Variants in PITPNM3 observed in about 807,000 individuals in gnomAD.
PITPNM3 encodes the protein membrane-associated phosphatidylinositol transfer protein 3.
In PITPNM3, 26 loss-of-function variants were observed where a neutral mutation model predicts 102.0. The observed-to-expected ratio is 0.25, with a 90% CI of 0.19 to 0.35. The LOEUF (loss-of-function observed/expected upper bound fraction) is 0.35. PITPNM3 is among the 10% of genes least tolerant of loss of function. PITPNM3 has a pLI of 1.00. For missense variants in PITPNM3, 1,083 were observed against 1,346.1 expected (o/e 0.80, Z 3.06); for synonymous variants, 578 against 558.6 (o/e 1.03, Z -0.49).
rs1908231165 is a variant in PITPNM3, at chr17:6,517,057, C to A, written c.226+8299G>T. ...GTGATAATGGAGGCAGATAAGCTCACATTCAAATGAGCAAGCAAAATAAAG... is the reference window on the plus strand; with the variant it reads ...GTGATAATGGAGGCAGATAAGCTCAAATTCAAATGAGCAAGCAAAATAAAG... On this transcript the variant is annotated intron_variant, in intron 3 of 19. Transcript: ENST00000262483. The surrounding 1 kb of genome is among the most constrained non-coding windows in gnomAD (Gnocchi z 4.1). Among the ~76,000 whole-genome samples the A allele has an allele frequency of 6.6e-6, 1 of 152,122 alleles. No individual in the cohort carries two copies. Among genetic ancestry groups the A allele is most frequent in the Non-Finnish European group, 1.5e-5 (1 of 68,030 alleles).
chr17:6,477,529 ACTT>A lies in PITPNM3; in HGVS notation c.901-319_901-317del, dbSNP rs753494920. Among the ~76,000 whole-genome samples, 100 of 151,950 alleles carry A rather than the reference ACTT, an allele frequency of 6.6e-4. 2 individuals carry two copies. The highest frequency in any genetic ancestry group is 3.1e-3 in the South Asian group (15 of 4,812). On this transcript the variant is annotated intron_variant, in intron 8 of 19. Transcript: ENST00000262483. ...TGCTACTCTTGTAGAATTATGATAC[ACTT>A]CTTCTTCTTCTTCTTCTTTTTTTTC...
At position 6,507,230 on chromosome 17, in the gene PITPNM3, T is replaced by A. The variant is rs61466150; in HGVS notation, c.227-3656A>T. On this transcript the variant is annotated intron_variant, in intron 3 of 19. Coordinates refer to ENST00000262483, the MANE Select transcript of PITPNM3 (RefSeq NM_031220.4). The stretch of plus-strand genomic sequence containing the variant: ...CAAGGCGGCAGGAGGCAGGACCATG[T>A]GAGAGCCGCCCACCAAGTACCCCCA... Among the ~76,000 whole-genome samples the A allele has an allele frequency of 0.013, 2,043 of 152,186 alleles. 87 individuals carry two copies. In the East Asian group the frequency reaches 0.18, roughly 13 times the overall value.
chr17:6,458,655 C>T lies in PITPNM3; in HGVS notation c.2491-933G>A, dbSNP rs1904322260. Among the ~76,000 whole-genome samples, 1 of 152,178 alleles carries T rather than the reference C, an allele frequency of 6.6e-6. No homozygotes were observed. Among genetic ancestry groups the T allele is most frequent in the South Asian group, 2.1e-4 (1 of 4,828 alleles). On this transcript the variant is annotated intron_variant, in intron 18 of 19. Coordinates refer to ENST00000262483, the MANE Select transcript of PITPNM3 (RefSeq NM_031220.4). This position sits in a 1 kb window ranked among gnomAD's most constrained non-coding sequence, Gnocchi z 5.1. ...CTCCGCCAGCCCCCACCTGGCTGCT[C>T]TCAGCCTTACTGACACTTGTCTTTT... is the stretch of plus-strand genomic sequence containing the variant.
In PITPNM3 at chr17:6,457,052, G is replaced by A. The variant is rs138052035; in HGVS notation, c.2619+542C>T. Among the ~76,000 whole-genome samples the A allele has an allele frequency of 1.3e-5, 2 of 150,892 alleles. No individual in the cohort carries two copies. Among genetic ancestry groups the A allele is most frequent in the East Asian group, 2.0e-4 (1 of 5,102 alleles). On this transcript the variant is annotated intron_variant, in intron 19 of 19. Transcript: ENST00000262483. The surrounding 1 kb of genome is among the most constrained non-coding windows in gnomAD (Gnocchi z 4.7). Reference sequence around the variant, plus strand: ...AGTCCCCACACAGGCCATCTTGGCCGCACTGACCGTTCTAGCCCCGCCCCC... The same window carrying A: ...AGTCCCCACACAGGCCATCTTGGCCACACTGACCGTTCTAGCCCCGCCCCC...
At chr17:6,540,210 C>T (rs1326859486) in intron 1 of PITPNM3, among the ~76,000 whole-genome samples, 1 of 152,200 alleles carries the variant, frequency 6.6e-6, no homozygotes, top group African/African-American at 2.4e-5. Flanking sequence ...AGGGGCCTCT[C>T]ATTCCACAGA....
rs1046976273 is a variant in PITPNM3, at chr17:6,537,771, C to T, written c.118+216G>A. Among the ~76,000 whole-genome samples the T allele has an allele frequency of 1.3e-5, 2 of 152,204 alleles. No individual in the cohort carries two copies. The highest frequency in any genetic ancestry group is 2.4e-5 in the African/African-American group (1 of 41,444). On this transcript the variant is annotated intron_variant, in intron 2 of 19. Transcript: ENST00000262483. This position sits in a 1 kb window ranked among gnomAD's most constrained non-coding sequence, Gnocchi z 4.4. Reference sequence around the variant, plus strand: ...GATCCCTGGCACCTAGCAGAGTTCCCGGCACATGTGAGGGGTTCAGCAAAT... The same window carrying T: ...GATCCCTGGCACCTAGCAGAGTTCCTGGCACATGTGAGGGGTTCAGCAAAT...
intron 1 of PITPNM3, among the ~76,000 whole-genome samples, chr17:6,554,311 T>G (rs1224932806): frequency 2.1e-5 from 2 of 97,110 alleles, no homozygotes; most frequent in African/African-American, 9.0e-5. Flanking sequence ...AGACCGAGAC[T>G]CCATCTCAAA....
chr17:6,468,442 C>T lies in PITPNM3; in HGVS notation c.1774-101G>A. Reference sequence around the variant, plus strand: ...CAGCTTGTGGCCAGCTGGGCCCTGCCCCTGCAACCCCCCAACCTCACAGCC... The same window carrying T: ...CAGCTTGTGGCCAGCTGGGCCCTGCTCCTGCAACCCCCCAACCTCACAGCC... On this transcript the variant is annotated intron_variant, in intron 13 of 19. Coordinates refer to ENST00000262483, the MANE Select transcript of PITPNM3 (RefSeq NM_031220.4). The surrounding 1 kb of genome is among the most constrained non-coding windows in gnomAD (Gnocchi z 5.2). 1 of 1,144,502 alleles carries T rather than the reference C, an allele frequency of 8.7e-7. No individual in the cohort carries two copies. Among genetic ancestry groups the T allele is most frequent in the East Asian group, 2.3e-5 (1 of 42,586 alleles). The allele number at this position is 1,144,502 out of a possible 1,614,324, so 70.9% of individuals were successfully genotyped here.
At chr17:6,513,984 T>C (rs942250188) in intron 3 of PITPNM3, among the ~76,000 whole-genome samples, 3 of 152,208 alleles carry the variant, frequency 2.0e-5, no homozygotes, top group Admixed American at 6.5e-5. Flanking sequence ...CTATGATCTA[T>C]TGATTTTTGA....
At position 6,477,967 on chromosome 17, in the gene PITPNM3, G is replaced by A. The variant is rs557066064; in HGVS notation, c.900+8C>T. ...TACCCCTCCCGCGGTCCTGTCCCCC[G>A]GCTGTACCTGGGTGCTGCTGATGCT... On this transcript the variant is annotated splice_region_variant and intron_variant, in intron 8 of 19. Coordinates refer to ENST00000262483, the MANE Select transcript of PITPNM3 (RefSeq NM_031220.4). 11 of 1,612,044 alleles carry A rather than the reference G, an allele frequency of 6.8e-6. No homozygotes were observed. The highest frequency in any genetic ancestry group is 1.7e-5 in the Admixed American group (1 of 60,028).
At chr17:6,467,172 T>C (rs1904829978) in intron 14 of PITPNM3, among the ~76,000 whole-genome samples, 1 of 151,798 alleles carries the variant, frequency 6.6e-6, no homozygotes, top group Non-Finnish European at 1.5e-5. Context: ...CAACGGAATA[T>C]TATTCAGCCT....
chr17:6,552,052 A>G (rs1210226098), intron 1 of PITPNM3, among the ~76,000 whole-genome samples: 1 of 152,164 alleles, frequency 6.6e-6, no homozygotes, highest in Admixed American at 6.5e-5. Flanking sequence ...GAGTATCGAA[A>G]TGTTCCCTCC....
intron 4 of PITPNM3, among the ~76,000 whole-genome samples, chr17:6,485,138 A>T (rs1906001401): frequency 6.6e-6 from 1 of 151,380 alleles, no homozygotes; most frequent in Non-Finnish European, 1.5e-5. Flanking sequence ...CCCTCATAAT[A>T]AGTCTCTTTT....
Position 6,489,751 on chromosome 17 carries a change from G to A in PITPNM3, c.275-5459C>T, listed in dbSNP as rs892050368. ...CCGGGGACCGTGGCTCACGCCTGTA[G>A]TCCCAGCACTTTGGGGGACCAAGGC... On this transcript the variant is annotated intron_variant, in intron 4 of 19. Transcript: ENST00000262483. Among the ~76,000 whole-genome samples the A allele has an allele frequency of 1.3e-3, 197 of 152,264 alleles. 2 individuals are homozygous for A. Among genetic ancestry groups the A allele is most frequent in the Non-Finnish European group, 2.4e-4 (16 of 68,006 alleles).
At chr17:6,524,534 A>G (rs1908717189) in intron 3 of PITPNM3, among the ~76,000 whole-genome samples, 1 of 152,178 alleles carries the variant, frequency 6.6e-6, no homozygotes, top group Admixed American at 6.5e-5. Flanking sequence ...ATCTTCAGCC[A>G]CGTTGTCCGT....
intron 4 of PITPNM3, among the ~76,000 whole-genome samples, chr17:6,503,297 G>A (rs1319554681): frequency 8.5e-5 from 13 of 152,166 alleles, no homozygotes; most frequent in Admixed American, 8.5e-4. Flanking sequence ...GAGCTGGCCT[G>A]AGCTGCCCAG....
chr17:6,520,755 G>A (rs1047615432), intron 3 of PITPNM3, among the ~76,000 whole-genome samples: 7 of 152,166 alleles, frequency 4.6e-5, no homozygotes, highest in African/African-American at 1.7e-4. Flanking sequence ...TCAGATGAAT[G>A]GATAAACAAA....
Position 6,457,121 on chromosome 17 carries a change from G to A in PITPNM3, c.2619+473C>T, listed in dbSNP as rs1336616543. Among the ~76,000 whole-genome samples the A allele has an allele frequency of 6.6e-6, 1 of 151,996 alleles. No individual in the cohort carries two copies. Among genetic ancestry groups the A allele is most frequent in the Non-Finnish European group, 1.5e-5 (1 of 67,990 alleles). On this transcript the variant is annotated intron_variant, in intron 19 of 19. Coordinates refer to ENST00000262483, the MANE Select transcript of PITPNM3 (RefSeq NM_031220.4). This position sits in a 1 kb window ranked among gnomAD's most constrained non-coding sequence, Gnocchi z 4.7. ...CCCATGCAGCCAAGCTGAGTCACTG[G>A]CAGTTCCCAGAATATACATGTTCTG...
chr17:6,455,123 G>A lies in PITPNM3; in HGVS notation c.*215C>T, dbSNP rs925045461. 3.4e-6 allele frequency: 2 copies of A among 596,342 alleles called. No individual in the cohort carries two copies. The highest frequency in any genetic ancestry group is 5.6e-6 in the Non-Finnish European group (2 of 357,406). The allele number at this position is 596,342 out of a possible 1,614,324, so 36.9% of individuals were successfully genotyped here. ...TCGCAGGCCCGTGGGAGGCAGCAGT[G>A]GCTGCACCGAGATCCCCGGACCTCA... On this transcript the variant is annotated 3_prime_UTR_variant, in exon 20 of 20. Coordinates refer to ENST00000262483, the MANE Select transcript of PITPNM3 (RefSeq NM_031220.4).
Sources: gnomAD v4.1 joint callset for allele counts (sites outside exome capture counted in the v4.1 genomes callset) on GRCh38, gnomAD v4.1.1 for gene constraint, Gnocchi (gnomAD v3.1) non-coding constraint, MANE v1.5 for transcripts, NCBI Gene and HGNC (gene_info 2026-07-23, HGNC 2026-07-21) for gene names.